The following ETV6 variants were observed in gnomAD, a reference collection of about 807,000 sequenced individuals.
ETV6 encodes the protein transcription factor ETV6.
A neutral mutation model predicts 51.1 loss-of-function variants in ETV6; 16 were observed. That is an observed-to-expected ratio of 0.31 (90% confidence interval 0.21 to 0.48). The LOEUF (loss-of-function observed/expected upper bound fraction) is 0.48, where lower values mean the gene tolerates loss of function less well. Ranked by LOEUF, ETV6 falls within the 20% of genes least tolerant of loss-of-function variation. ETV6 has a pLI of 0.99. For synonymous variants in ETV6, 240 were observed against 224.1 expected (o/e 1.07, Z -0.64); for missense variants, 458 against 594.8 (o/e 0.77, Z 2.39).
chr12:11,737,814 A>G (rs1865732883), intron 1 of ETV6, among the ~76,000 whole-genome samples: 1 of 152,204 alleles, frequency 6.6e-6, no homozygotes. Flanking sequence ...CAGTCAACGC[A>G]GTTTTCTCCA....
intron 2 of ETV6, among the ~76,000 whole-genome samples, chr12:11,773,354 C>A (rs1945271289): frequency 1.3e-5 from 2 of 151,764 alleles, no homozygotes; most frequent in Admixed American, 1.3e-4. Context: ...TCTTTCTGCT[C>A]AAGTCTCAAC....
intron 1 of ETV6, among the ~76,000 whole-genome samples, chr12:11,731,099 A>G (rs1865587245): frequency 6.6e-6 from 1 of 152,146 alleles, no homozygotes; most frequent in African/African-American, 2.4e-5. Flanking sequence ...GGGAGAAATG[A>G]TTTTAAGTGT....
At chr12:11,830,607 G>C (rs1413194438) in intron 2 of ETV6, among the ~76,000 whole-genome samples, 1 of 151,872 alleles carries the variant, frequency 6.6e-6, no homozygotes, top group African/African-American at 2.4e-5. Flanking sequence ...GAGGAGAGGG[G>C]TGCCAATCAC....
chr12:11,763,390 G>T (rs1945120468), intron 2 of ETV6, among the ~76,000 whole-genome samples: 1 of 152,200 alleles, frequency 6.6e-6, no homozygotes, highest in South Asian at 2.1e-4. Flanking sequence ...GAACACAAAA[G>T]TAGGAATTCC....
chr12:11,884,335 G>A, intron 5 of ETV6, 110 bp from the exon 6 acceptor site: 3 of 1,225,002 alleles, frequency 2.4e-6, no homozygotes, highest in Admixed American at 1.8e-5. Context: ...TAGACAATCA[G>A]TCAACCCAAG....
intron 5 of ETV6, among the ~76,000 whole-genome samples, chr12:11,879,713 G>C (rs968864344): frequency 6.6e-6 from 1 of 152,146 alleles, no homozygotes; most frequent in East Asian, 1.9e-4. Flanking sequence ...AAGCCCTTTC[G>C]TTTAAGAAAA....
At chr12:11,714,474 A>G (rs1289810717) in intron 1 of ETV6, among the ~76,000 whole-genome samples, 1 of 152,196 alleles carries the variant, frequency 6.6e-6, no homozygotes, top group East Asian at 1.9e-4. Flanking sequence ...GTATTTGATT[A>G]GGGGCCTGCT....
intron 2 of ETV6, among the ~76,000 whole-genome samples, chr12:11,838,030 A>G (rs1036181906): frequency 1.3e-5 from 2 of 152,254 alleles, no homozygotes; most frequent in African/African-American, 2.4e-5. Flanking sequence ...TATTTTCCCA[A>G]ACCAAAAATA....
rs1227870602 is a variant in ETV6, at chr12:11,651,423, T to G, written c.33+1263T>G. 2.0e-5 allele frequency among the ~76,000 whole-genome samples: 3 copies of G among 152,216 alleles called. No homozygotes were observed. In the East Asian group the frequency reaches 5.8e-4, roughly 29 times the overall value. Reference sequence around the variant, plus strand: ...ATAATTAGAATCACATTTTGGTGTTTCTTATCAGAAAAGATATTCATGGGT... The same window carrying G: ...ATAATTAGAATCACATTTTGGTGTTGCTTATCAGAAAAGATATTCATGGGT... On this transcript the variant is annotated intron_variant, in intron 1 of 7. Coordinates refer to ENST00000396373, the MANE Select transcript of ETV6 (RefSeq NM_001987.5).
chr12:11,758,810 G>C (rs925042784), intron 2 of ETV6, among the ~76,000 whole-genome samples: 4 of 152,248 alleles, frequency 2.6e-5, no homozygotes, highest in Non-Finnish European at 2.9e-5. Flanking sequence ...TTCTCTGTCA[G>C]TGTCTTACAA....
intron 1 of ETV6, among the ~76,000 whole-genome samples, chr12:11,671,390 T>C (rs1473715940): frequency 1.3e-5 from 2 of 152,188 alleles, no homozygotes; most frequent in Admixed American, 6.5e-5. Context: ...TAGATTTGGA[T>C]AGAAAGAAAT....
intron 5 of ETV6, among the ~76,000 whole-genome samples, chr12:11,873,159 C>A (rs1565561849): frequency 6.6e-6 from 1 of 152,218 alleles, no homozygotes; most frequent in East Asian, 1.9e-4. Flanking sequence ...AAATTTAACT[C>A]ATTCCACTGA....
intron 2 of ETV6, among the ~76,000 whole-genome samples, chr12:11,784,862 ATTTTTTT>A (rs34004409): frequency 7.0e-5 from 6 of 85,788 alleles, no homozygotes; most frequent in African/African-American, 2.9e-4. Context: ...TGCCTTGCTA[ATTTTTTT>A]TTTTTTTTTT....
intron 1 of ETV6, among the ~76,000 whole-genome samples, chr12:11,723,618 T>G (rs894653991): frequency 2.0e-5 from 3 of 151,810 alleles, no homozygotes; most frequent in Non-Finnish European, 4.4e-5. Flanking sequence ...TTGGTGAACA[T>G]TAATTACTTG....
chr12:11,688,713 G>A (rs540568568), intron 1 of ETV6, among the ~76,000 whole-genome samples: 1 of 152,328 alleles, frequency 6.6e-6, no homozygotes, highest in African/African-American at 2.4e-5. Context: ...CAGGAGGAGT[G>A]TGGTAGCGTG....
At chr12:11,752,325 G>T in intron 1 of ETV6, 125 bp from the exon 2 acceptor site, 2 of 944,736 alleles carry the variant, frequency 2.1e-6, no homozygotes, top group Non-Finnish European at 1.6e-6. Context: ...CGGATTGCTT[G>T]GGAAGCTGGT....
intron 1 of ETV6, among the ~76,000 whole-genome samples, chr12:11,669,933 C>T (rs1035768232): frequency 7.3e-5 from 11 of 151,496 alleles, no homozygotes; most frequent in Non-Finnish European, 1.2e-4. Flanking sequence ...CCTTCTTCCC[C>T]GGCGGCCATT....
chr12:11,651,342 TAG>T (rs1375673691), intron 1 of ETV6, among the ~76,000 whole-genome samples: 3 of 152,316 alleles, frequency 2.0e-5, no homozygotes, highest in Middle Eastern at 6.8e-3. Context: ...GCCTTTCAAT[TAG>T]AGTCTGTGTA....
intron 2 of ETV6, among the ~76,000 whole-genome samples, chr12:11,828,718 A>G (rs753307690): frequency 2.0e-5 from 3 of 152,130 alleles, no homozygotes; most frequent in Non-Finnish European, 4.4e-5. Context: ...AGAATCCTGT[A>G]CCTTCTTCCT....
Sources: allele counts gnomAD v4.1 joint callset (sites outside exome capture counted in the v4.1 genomes callset), GRCh38; gene constraint gnomAD v4.1.1; transcripts MANE v1.5; gene names NCBI Gene and HGNC (gene_info 2026-07-23, HGNC 2026-07-21).